NR2F1-AS1: variants seen among roughly 807,000 people sequenced by gnomAD.
NR2F1-AS1 encodes the protein NR2F1 regulatory antisense RNA 1.
intron 1 of NR2F1-AS1, chr5:93,570,279 T>G (rs1395721443): frequency 6.6e-6 from 1 of 152,334 alleles, no homozygotes; most frequent in Non-Finnish European, 1.5e-5. Flanking sequence ...TCCCCAACTG[T>G]GCCCCAGGCC....
intron 4 of NR2F1-AS1, among the ~76,000 whole-genome samples, chr5:93,463,762 G>A (rs915834542): frequency 1.3e-5 from 2 of 152,180 alleles, no homozygotes; most frequent in African/African-American, 4.8e-5. Context: ...TGACTGCCCT[G>A]CTGGATTTCA....
chr5:93,412,438 C>A (rs1409402534), intron 4 of NR2F1-AS1, among the ~76,000 whole-genome samples: 3 of 152,194 alleles, frequency 2.0e-5, no homozygotes, highest in African/African-American at 7.2e-5. Context: ...TTCAACCCAT[C>A]CTCATCAGAG....
intron 4 of NR2F1-AS1, among the ~76,000 whole-genome samples, chr5:93,482,916 G>A (rs184006791): frequency 1.2e-4 from 19 of 152,256 alleles, no homozygotes; most frequent in Admixed American, 1.0e-3. Context: ...CCCCTCTCTG[G>A]GCAGGGCATC....
At chr5:93,490,926 G>A (rs1255403776) in intron 4 of NR2F1-AS1, among the ~76,000 whole-genome samples, 1 of 149,790 alleles carries the variant, frequency 6.7e-6, no homozygotes, top group African/African-American at 2.5e-5. Context: ...GGGAGTGGTG[G>A]TGATGGTGGT....
intron 4 of NR2F1-AS1, among the ~76,000 whole-genome samples, chr5:93,452,252 A>G (rs1465575855): frequency 2.0e-5 from 3 of 152,220 alleles, no homozygotes; most frequent in South Asian, 2.1e-4. Context: ...ATTTTCACCT[A>G]TAAAGGATTA....
chr5:93,424,994 A>T (rs910405562), intron 4 of NR2F1-AS1, among the ~76,000 whole-genome samples: 1 of 152,220 alleles, frequency 6.6e-6, no homozygotes, highest in African/African-American at 2.4e-5. Flanking sequence ...CTCCATTTTT[A>T]GCTTCTCCCT....
chr5:93,572,908 T>C (rs1443374207), intron 1 of NR2F1-AS1, among the ~76,000 whole-genome samples: 2 of 152,156 alleles, frequency 1.3e-5, no homozygotes, highest in African/African-American at 4.8e-5. Context: ...CGGGGCCGGA[T>C]CCTCCGCTTC....
intron 4 of NR2F1-AS1, among the ~76,000 whole-genome samples, chr5:93,444,485 G>A (rs115719551): frequency 3.9e-5 from 6 of 152,166 alleles, no homozygotes; most frequent in South Asian, 4.1e-4. Context: ...GGATCAATTC[G>A]ACAAGAAGCG....
At chr5:93,491,856 A>G (rs899228478) in intron 4 of NR2F1-AS1, among the ~76,000 whole-genome samples, 1 of 152,168 alleles carries the variant, frequency 6.6e-6, no homozygotes, top group Non-Finnish European at 1.5e-5. Context: ...TCAGGCCTTC[A>G]GACTCTTGAC....
At chr5:93,418,248 A>C (rs1179642864) in intron 4 of NR2F1-AS1, among the ~76,000 whole-genome samples, 1 of 152,168 alleles carries the variant, frequency 6.6e-6, no homozygotes. Context: ...GACCAGCTTG[A>C]GGTTTGCAGT....
In NR2F1-AS1 at chr5:93,572,832, G is replaced by T. The variant is rs117832880; in HGVS notation, n.313+7635C>A. ...GAGGGCTGCTATTAAGAGCTCAAAT[G>T]AGCTGCAAAAGTAGGTATCCCGTTT... On this transcript the variant is annotated intron_variant and non_coding_transcript_variant, in intron 1 of 5. Coordinates refer to ENST00000660523, the Ensembl canonical transcript of NR2F1-AS1. 1.8e-3 allele frequency among the ~76,000 whole-genome samples: 272 copies of T among 152,356 alleles called. 7 individuals are homozygous for T. The East Asian group carries it at 0.039, about 22-fold the overall frequency.
intron 4 of NR2F1-AS1, among the ~76,000 whole-genome samples, chr5:93,413,629 T>C (rs1243242973): frequency 6.6e-6 from 1 of 152,120 alleles, no homozygotes; most frequent in Non-Finnish European, 1.5e-5. Flanking sequence ...ATGTATTAAA[T>C]ATCTGAGGTG....
chr5:93,415,681 C>T (rs576178529), intron 4 of NR2F1-AS1, among the ~76,000 whole-genome samples: 1 of 152,318 alleles, frequency 6.6e-6, no homozygotes, highest in South Asian at 2.1e-4. Context: ...GTCAAAGGCA[C>T]ATTGCCCCAA....
At chr5:93,418,026 GC>G (rs1749004117) in intron 4 of NR2F1-AS1, among the ~76,000 whole-genome samples, 1 of 152,144 alleles carries the variant, frequency 6.6e-6, no homozygotes, top group African/African-American at 2.4e-5. Flanking sequence ...TTGTGAAAGA[GC>G]TGCCACATGC....
chr5:93,471,925 T>C (rs560458189), intron 4 of NR2F1-AS1, among the ~76,000 whole-genome samples: 9 of 151,994 alleles, frequency 5.9e-5, no homozygotes, highest in Non-Finnish European at 1.0e-4. Context: ...TAGGGACAGT[T>C]AATACAACAA....
At chr5:93,563,126 G>C (rs1752532721) in intron 2 of NR2F1-AS1, among the ~76,000 whole-genome samples, 1 of 152,194 alleles carries the variant, frequency 6.6e-6, no homozygotes, top group Non-Finnish European at 1.5e-5. Context: ...GAACTGAGTA[G>C]AAATGGTGTA....
chr5:93,519,655 A>T (rs934118350), intron 4 of NR2F1-AS1, among the ~76,000 whole-genome samples: 3 of 152,052 alleles, frequency 2.0e-5, no homozygotes, highest in Admixed American at 2.0e-4. Flanking sequence ...TTCTATTTAG[A>T]CATGCATGTT....
intron 4 of NR2F1-AS1, among the ~76,000 whole-genome samples, chr5:93,425,340 G>A (rs1465934330): frequency 2.6e-5 from 4 of 152,132 alleles, no homozygotes; most frequent in South Asian, 2.1e-4. Flanking sequence ...ACAATAACCT[G>A]GGCTCATTGA....
intron 4 of NR2F1-AS1, among the ~76,000 whole-genome samples, chr5:93,538,239 G>A (rs1295817848): frequency 6.6e-6 from 1 of 152,172 alleles, no homozygotes; most frequent in Admixed American, 6.6e-5. Flanking sequence ...TTAGAAGGTT[G>A]AGGCAGGCAG....
Sources: gnomAD v4.1 joint callset for allele counts (sites outside exome capture counted in the v4.1 genomes callset) on GRCh38, gnomAD v4.1.1 for gene constraint, MANE v1.5 for transcripts, NCBI Gene and HGNC (gene_info 2026-07-23, HGNC 2026-07-21) for gene names.